Variants in NCK2 observed in about 807,000 individuals in gnomAD.
NCK2 encodes the protein NCK adaptor protein 2.
Under a neutral mutation model 33.9 loss-of-function variants are expected in NCK2, and 16 were observed. The ratio of observed to expected loss-of-function variants is 0.47; its 90% CI spans 0.32 to 0.72. NCK2 has a LOEUF of 0.72. NCK2 is among the 30% of genes least tolerant of loss of function. NCK2 has a pLI of 0.03. For synonymous variants in NCK2, 273 were observed against 239.9 expected (o/e 1.14, Z -1.27); for missense variants, 418 against 537.3 (o/e 0.78, Z 2.19).
chr2:105,881,276 TGTGGTGGTGCCCAA>T, intron 3 of NCK2, 38 bp from the exon 4 acceptor site: 10 of 1,534,212 alleles, frequency 6.5e-6, no homozygotes, highest in Non-Finnish European at 8.7e-6. Flanking sequence ...GGCTAGGGAG[TGTGGTGGTGCCCAA>T]GTGCCCTGCG....
chr2:105,815,992 T>A (rs1675467311), intron 1 of NCK2, among the ~76,000 whole-genome samples: 1 of 152,184 alleles, frequency 6.6e-6, no homozygotes, highest in African/African-American at 2.4e-5. Context: ...TCCTTCCACC[T>A]GCTGTTCACC....
intron 2 of NCK2, among the ~76,000 whole-genome samples, chr2:105,823,132 C>CTG (rs10610689): frequency 0.096 from 14,225 of 148,374 alleles, 725 homozygotes; most frequent in East Asian, 0.15. Flanking sequence ...TCCTCTCATG[C>CTG]TGTGTGTGTG....
chr2:105,863,422 A>G (rs966006398), intron 3 of NCK2, among the ~76,000 whole-genome samples: 1 of 152,044 alleles, frequency 6.6e-6, no homozygotes, highest in Non-Finnish European at 1.5e-5. Context: ...GCTGTGAGTG[A>G]CCTTTGAGAA....
chr2:105,792,823 G>A (rs1690939097), intron 1 of NCK2, among the ~76,000 whole-genome samples: 1 of 152,176 alleles, frequency 6.6e-6, no homozygotes, highest in Non-Finnish European at 1.5e-5. Context: ...GAGCAACCTG[G>A]ATGGCCGTGG....
chr2:105,760,021 G>C (rs938804690), intron 1 of NCK2, among the ~76,000 whole-genome samples: 1 of 152,086 alleles, frequency 6.6e-6, no homozygotes, highest in Admixed American at 6.5e-5. Context: ...GGACTCCACT[G>C]TCAAGTGACT....
chr2:105,757,864 C>A (rs1558823126), intron 1 of NCK2, among the ~76,000 whole-genome samples: 1 of 152,202 alleles, frequency 6.6e-6, no homozygotes, highest in Non-Finnish European at 1.5e-5. Context: ...CTCTTCAGTG[C>A]ACAGGCAACT....
intron 2 of NCK2, among the ~76,000 whole-genome samples, chr2:105,838,553 T>G (rs1676519163): frequency 6.6e-6 from 1 of 152,238 alleles, no homozygotes; most frequent in African/African-American, 2.4e-5. Context: ...ATGGAATTAT[T>G]TTATGGCTCC....
chr2:105,871,108 C>T (rs148322287), intron 3 of NCK2, among the ~76,000 whole-genome samples: 8 of 152,086 alleles, frequency 5.3e-5, no homozygotes, highest in African/African-American at 1.9e-4. Context: ...CGTGTGAAAT[C>T]GGGGTGATGA....
chr2:105,852,727 CTCT>C (rs1049104635), intron 2 of NCK2, among the ~76,000 whole-genome samples: 12 of 152,108 alleles, frequency 7.9e-5, no homozygotes, highest in Admixed American at 2.0e-4. Flanking sequence ...ACTGCTATTG[CTCT>C]TCTTCTTGTT....
At chr2:105,831,770 A>G (rs191715824) in intron 2 of NCK2, among the ~76,000 whole-genome samples, 3 of 152,240 alleles carry the variant, frequency 2.0e-5, no homozygotes, top group Admixed American at 6.5e-5. Flanking sequence ...TTTTATGCCA[A>G]TACGATGCTG....
chr2:105,779,969 T>C (rs1351609322), intron 1 of NCK2, among the ~76,000 whole-genome samples: 1 of 152,194 alleles, frequency 6.6e-6, no homozygotes, highest in Non-Finnish European at 1.5e-5. Context: ...CAGCGAATTC[T>C]CAAGACCTCC....
intron 1 of NCK2, among the ~76,000 whole-genome samples, chr2:105,799,104 G>A (rs139129964): frequency 6.6e-6 from 1 of 152,226 alleles, no homozygotes; most frequent in East Asian, 1.9e-4. Context: ...AGCTCTCGCT[G>A]TGTCCTGTCT....
At chr2:105,761,775 G>C (rs1410809260) in intron 1 of NCK2, among the ~76,000 whole-genome samples, 1 of 152,202 alleles carries the variant, frequency 6.6e-6, no homozygotes, top group Non-Finnish European at 1.5e-5. Context: ...AGCTACTTAG[G>C]AGACTGAGGC....
intron 4 of NCK2, 90 bp from the exon 5 acceptor site, chr2:105,892,892 T>G: frequency 2.0e-5 from 20 of 1,015,210 alleles, no homozygotes; most frequent in South Asian, 4.0e-5. Context: ...CAATGGGTGG[T>G]TTGGATTTAG....
In NCK2 at chr2:105,893,758, T is replaced by C. The variant is rs193178390; in HGVS notation, c.*582T>C. The C allele has an allele frequency of 3.3e-5, 5 of 152,764 alleles. No homozygotes were observed. The highest frequency in any genetic ancestry group is 1.2e-4 in the African/African-American group (5 of 41,550). The allele number at this position is 152,764 out of a possible 1,614,324, so 9.5% of individuals were successfully genotyped here. A position where few individuals can be genotyped will look rare whatever the true frequency, so the allele number is the denominator to read the frequency against. On this transcript the variant is annotated 3_prime_UTR_variant, in exon 5 of 5. Coordinates refer to ENST00000233154, the MANE Select transcript of NCK2 (RefSeq NM_003581.5). ...AATAAAGAATTTCCTGGAAAGGCAG[T>C]CTGCAAAAGAGGGAACCGGTGACTC...
At chr2:105,764,305 C>A (rs1174469475) in intron 1 of NCK2, among the ~76,000 whole-genome samples, 4 of 152,272 alleles carry the variant, frequency 2.6e-5, no homozygotes, top group Non-Finnish European at 5.9e-5. Flanking sequence ...TGTGGGCAGA[C>A]ATCCCACATT....
At chr2:105,845,028 C>T (rs1452780925) in intron 2 of NCK2, among the ~76,000 whole-genome samples, 6 of 152,080 alleles carry the variant, frequency 3.9e-5, no homozygotes, top group Admixed American at 2.0e-4. Context: ...ACACAGGGTC[C>T]CTGCTGGCAG....
In NCK2 at chr2:105,768,876, C is replaced by G. The variant is rs1235293715; in HGVS notation, c.-201+23738C>G. On this transcript the variant is annotated intron_variant, in intron 1 of 4. Coordinates refer to ENST00000233154, the MANE Select transcript of NCK2 (RefSeq NM_003581.5). ...TCCCCATGCCCCCTGGGGGAGACAC[C>G]TCCTAGTGCACCATCCCAATGAGTT... 2.6e-5 allele frequency among the ~76,000 whole-genome samples: 4 copies of G among 152,298 alleles called. No homozygotes were observed. The East Asian group carries it at 7.7e-4, about 29-fold the overall frequency.
intron 4 of NCK2, among the ~76,000 whole-genome samples, chr2:105,890,837 C>T (rs981388058): frequency 1.3e-5 from 2 of 152,166 alleles, no homozygotes; most frequent in Non-Finnish European, 2.9e-5. Context: ...TTTATTTGGG[C>T]TTTTGTGAAC....
Sources: gnomAD v4.1 joint callset for allele counts (sites outside exome capture counted in the v4.1 genomes callset) on GRCh38, gnomAD v4.1.1 for gene constraint, MANE v1.5 for transcripts, NCBI Gene and HGNC (gene_info 2026-07-23, HGNC 2026-07-21) for gene names.